The following ZDHHC7 variants were observed in gnomAD, a reference collection of about 807,000 sequenced individuals.
ZDHHC7 encodes zDHHC palmitoyltransferase 7, also known as palmitoyltransferase ZDHHC7.
ZDHHC7 carries 12 observed loss-of-function variants against 34.1 expected under a neutral mutation model. The ratio of observed to expected loss-of-function variants is 0.35; its 90% CI spans 0.23 to 0.57. The LOEUF (loss-of-function observed/expected upper bound fraction) is 0.57. Among genes scored for constraint, ZDHHC7 ranks in the 20% least tolerant of loss-of-function variants. The probability of loss-of-function intolerance (pLI) is 0.84; values close to 1 mark genes in which losing one functional copy is unlikely to be tolerated. For synonymous variants in ZDHHC7, 185 were observed against 155.4 expected (o/e 1.19, Z -1.42); for missense variants, 388 against 402.7 (o/e 0.96, Z 0.31).
In ZDHHC7 at chr16:84,976,226, A is replaced by C; in HGVS notation, c.*117T>G. 2 of 1,306,904 alleles carry C rather than the reference A, an allele frequency of 1.5e-6. No homozygotes were observed. The highest frequency in any genetic ancestry group is 2.1e-6 in the Non-Finnish European group (2 of 938,552). The allele number at this position is 1,306,904 out of a possible 1,614,324, so 81.0% of individuals were successfully genotyped here. A position where few individuals can be genotyped will look rare whatever the true frequency, so the allele number is the denominator to read the frequency against. The stretch of plus-strand genomic sequence containing the variant: ...TATAAAACTCTGCTTGCTGCAAGCA[A>C]TTGGTTTGTGTAGGTTCCAGTTGCC... On this transcript the variant is annotated 3_prime_UTR_variant, in exon 8 of 8. Coordinates refer to ENST00000313732, the MANE Select transcript of ZDHHC7 (RefSeq NM_017740.3).
In ZDHHC7 at chr16:84,994,760, G is replaced by A. The variant is rs377565637; in HGVS notation, c.-18+1162C>T. Among the ~76,000 whole-genome samples, 7 of 152,184 alleles carry A rather than the reference G, an allele frequency of 4.6e-5. 1 individual carries two copies. The South Asian group carries it at 1.4e-3, about 32-fold the overall frequency. ...TTAGGGTGACATATCATACTTGAGG[G>A]CTTTAGTGCCATATCTGTAAGATCC... On this transcript the variant is annotated intron_variant, in intron 2 of 7. Transcript: ENST00000313732.
intron 1 of ZDHHC7, among the ~76,000 whole-genome samples, chr16:85,008,592 G>C (rs1236143974): frequency 6.6e-6 from 1 of 151,832 alleles, no homozygotes; most frequent in Non-Finnish European, 1.5e-5. Flanking sequence ...CAACTTTATA[G>C]CTAGCTAACT....
At chr16:85,016,440 T>A (rs2072834589), upstream of ZDHHC7, among the ~76,000 whole-genome samples, 1 of 152,082 alleles carries the variant, frequency 6.6e-6, no homozygotes, top group African/African-American at 2.4e-5. Flanking sequence ...AATTAAAAAA[T>A]CAAATCATTT....
chr16:84,987,911 A>C (rs1424450949), intron 3 of ZDHHC7, among the ~76,000 whole-genome samples: 3 of 152,222 alleles, frequency 2.0e-5, no homozygotes, highest in African/African-American at 7.2e-5. Flanking sequence ...TCACGCCTGT[A>C]ATCATCCCAG....
chr16:84,979,347 CAAATA>C (rs2072337268), intron 4 of ZDHHC7, 62 bp from the exon 5 acceptor site: 1 of 1,555,482 alleles, frequency 6.4e-7, no homozygotes, highest in South Asian at 1.2e-5. Flanking sequence ...GTAACACAAC[CAAATA>C]AAATCAAAGG....
intron 4 of ZDHHC7, among the ~76,000 whole-genome samples, chr16:84,980,698 A>G (rs2072356640): frequency 6.6e-6 from 1 of 152,138 alleles, no homozygotes; most frequent in African/African-American, 2.4e-5. Flanking sequence ...ATATACCATA[A>G]AAGTTCACCC....
At chr16:84,987,067 C>G (rs1017141340) in intron 3 of ZDHHC7, among the ~76,000 whole-genome samples, 1 of 152,216 alleles carries the variant, frequency 6.6e-6, no homozygotes, top group Non-Finnish European at 1.5e-5. Context: ...AAAGCCAGGA[C>G]TCAGAGAGAC....
intron 3 of ZDHHC7, among the ~76,000 whole-genome samples, chr16:84,986,059 G>A (rs952442352): frequency 6.6e-6 from 1 of 151,832 alleles, no homozygotes; most frequent in African/African-American, 2.4e-5. Context: ...CCGGTATTGA[G>A]GTTATGTTTT....
intron 1 of ZDHHC7, among the ~76,000 whole-genome samples, chr16:84,996,913 G>C (rs1282480462): frequency 6.6e-6 from 1 of 151,814 alleles, no homozygotes; most frequent in African/African-American, 2.4e-5. Context: ...TGTAATCCCA[G>C]CTACTCGGGA....
rs753058468 is a variant in ZDHHC7, at chr16:84,981,955, C to A, written c.355G>T (p.Glu119Ter). ...PKGNATKEYM[E>*]SLQLKPGEVI... ...TCCCCGGGCTTCAGCTGCAAGCTCTCCATGTATTCTTTCGTAGCGTTTCCT... is the reference window on the plus strand; with the variant it reads ...TCCCCGGGCTTCAGCTGCAAGCTCTACATGTATTCTTTCGTAGCGTTTCCT... Residue 119 changes from glutamate to a stop codon, truncating the protein, a stop_gained, in exon 4 of 8, where the codon GAG becomes TAG. Coordinates refer to ENST00000313732, the MANE Select transcript of ZDHHC7 (RefSeq NM_017740.3). LOFTEE classifies it high-confidence loss of function. 6.2e-7 allele frequency: 1 copy of A among 1,614,220 alleles called. No homozygotes were observed. Among genetic ancestry groups the A allele is most frequent in the Non-Finnish European group, 8.5e-7 (1 of 1,180,044 alleles).
upstream of ZDHHC7, among the ~76,000 whole-genome samples, chr16:85,013,391 C>T (rs141992547): frequency 0.012 from 1,765 of 152,084 alleles, 25 homozygotes; most frequent in Non-Finnish European, 0.016. Context: ...TACAGGGGCC[C>T]GCCACCACGT....
At chr16:85,017,413 T>C in the ZDHHC7 span, among the ~76,000 whole-genome samples, 4 of 152,154 alleles carry the variant, frequency 2.6e-5, no homozygotes, top group African/African-American at 9.7e-5. Context: ...GGTGAGAGTG[T>C]AATTGTTTAA....
the ZDHHC7 span, among the ~76,000 whole-genome samples, chr16:85,017,501 A>C: frequency 6.6e-6 from 1 of 152,200 alleles, no homozygotes; most frequent in African/African-American, 2.4e-5. Flanking sequence ...CTTCTACTAG[A>C]ATGTTCATTC....
chr16:85,009,642 T>A (rs868097460), intron 1 of ZDHHC7, among the ~76,000 whole-genome samples: 3 of 152,166 alleles, frequency 2.0e-5, no homozygotes, highest in Non-Finnish European at 4.4e-5. Flanking sequence ...TAGTTAATAT[T>A]TCAGTTCCAT....
chr16:84,979,949 CTTT>C (rs561019555), intron 4 of ZDHHC7, among the ~76,000 whole-genome samples: 1,403 of 95,892 alleles, frequency 0.015, 6 homozygotes, highest in South Asian at 0.029. Context: ...ATAGCGTCAC[CTTT>C]TTTTTTTTTT....
upstream of ZDHHC7, among the ~76,000 whole-genome samples, chr16:85,016,292 G>C (rs2072833883): frequency 6.6e-6 from 1 of 151,808 alleles, no homozygotes; most frequent in South Asian, 2.1e-4. Context: ...AAACTGTTAG[G>C]ATTATAGGCA....
At chr16:85,023,266 A>C in the ZDHHC7 span, among the ~76,000 whole-genome samples, 122 of 151,026 alleles carry the variant, frequency 8.1e-4, no homozygotes, top group Non-Finnish European at 1.3e-3. Flanking sequence ...TCCCAGGTTC[A>C]AGCAATTCTC....
At chr16:84,984,444 G>A (rs568634477) in intron 3 of ZDHHC7, among the ~76,000 whole-genome samples, 8 of 152,242 alleles carry the variant, frequency 5.3e-5, no homozygotes, top group Admixed American at 1.3e-4. Context: ...CTCCTCAGAG[G>A]AAATGGGCCA....
chr16:85,002,588 G>C (rs1372901460), intron 1 of ZDHHC7, among the ~76,000 whole-genome samples: 2 of 152,198 alleles, frequency 1.3e-5, no homozygotes, highest in African/African-American at 4.8e-5. Context: ...CCACAGCCAA[G>C]AGGGGCTGAC....
Sources: gnomAD v4.1 joint callset for allele counts (sites outside exome capture counted in the v4.1 genomes callset) on GRCh38, gnomAD v4.1.1 for gene constraint, MANE v1.5 for transcripts, NCBI Gene and HGNC (gene_info 2026-07-23, HGNC 2026-07-21) for gene names.